The following CMYA5 variants were observed in gnomAD, a reference collection of about 807,000 sequenced individuals.
The protein encoded by CMYA5 is cardiomyopathy-associated protein 5.
Under a neutral mutation model 318.9 loss-of-function variants are expected in CMYA5, and 246 were observed. The ratio of observed to expected loss-of-function variants is 0.77; its 90% CI spans 0.70 to 0.86. The LOEUF (loss-of-function observed/expected upper bound fraction) is 0.86. CMYA5 is among the 40% of genes least tolerant of loss of function. The pLI is 0.00. For synonymous variants in CMYA5, 1,641 were observed against 1,729.5 expected (o/e 0.95, Z 1.27); for missense variants, 4,589 against 4,678.2 (o/e 0.98, Z 0.56).
intron 1 of CMYA5, among the ~76,000 whole-genome samples, chr5:79,697,267 G>T (rs556578044): frequency 2.6e-4 from 40 of 152,316 alleles, no homozygotes; most frequent in Non-Finnish European, 5.6e-4. Context: ...TCAAGTCCCA[G>T]TCGCTGAAGC....
chr5:79,738,859 C>T lies in CMYA5; in HGVS notation c.10094C>T (p.Ala3365Val), dbSNP rs376351210. 1 of 1,613,878 alleles carries T rather than the reference C, an allele frequency of 6.2e-7. No individual in the cohort carries two copies. The highest frequency in any genetic ancestry group is 8.5e-7 in the Non-Finnish European group (1 of 1,179,848). Residue 3365 changes from alanine (A) to valine (V), a missense_variant, in exon 2 of 13, where the codon GCA (alanine) becomes GTA (valine). This residue lies in a region of CMYA5 where 2,431 missense variants were observed against 2,495.1 expected (regional missense o/e 0.97). Transcript: ENST00000446378. ...AGSHGNEVGN[A>V]SPEVNLNVPV... ...AGTCACGGTAATGAAGTCGGAAATG[C>T]AAGTCCAGAGGTCAATCTGAATGTC... is the stretch of plus-strand genomic sequence containing the variant.
intron 5 of CMYA5, among the ~76,000 whole-genome samples, chr5:79,751,235 T>C (rs1828425192): frequency 6.6e-6 from 1 of 152,202 alleles, no homozygotes; most frequent in Admixed American, 6.5e-5. Context: ...AGGCTCTTTA[T>C]AGTCAAGCCA....
Position 79,730,561 on chromosome 5 carries a change from C to T in CMYA5, c.1796C>T (p.Ser599Leu), listed in dbSNP as rs1197025805. The T allele has an allele frequency of 3.1e-6, 5 of 1,613,878 alleles. No individual in the cohort carries two copies. Among genetic ancestry groups the T allele is most frequent in the Non-Finnish European group, 4.2e-6 (5 of 1,179,892 alleles). ...STGSAFVSEY[S>L]VPQDLNHELQ... ...GGTTCTGCTTTTGTATCAGAGTATTCAGTACCACAGGATTTGAACCATGAA... is the reference window on the plus strand; with the variant it reads ...GGTTCTGCTTTTGTATCAGAGTATTTAGTACCACAGGATTTGAACCATGAA... The change falls in exon 2 of 13, where the codon TCA (serine) becomes TTA (leucine). Residue 599 changes from serine to leucine, a missense_variant. Ser to Leu is a moderately radical substitution (Grantham distance 145). This residue lies in a region of CMYA5 where 2,132 missense variants were observed against 2,131.3 expected (regional missense o/e 1.00). Coordinates refer to ENST00000446378, the MANE Select transcript of CMYA5 (RefSeq NM_153610.5).
chr5:79,777,709 A>C (rs958842651), intron 9 of CMYA5, among the ~76,000 whole-genome samples: 2 of 152,106 alleles, frequency 1.3e-5, no homozygotes, highest in Admixed American at 1.3e-4. Flanking sequence ...CAGGAGGCGG[A>C]GGTTTCAGTG....
chr5:79,724,121 C>T (rs1235062465), intron 1 of CMYA5, among the ~76,000 whole-genome samples: 1 of 151,718 alleles, frequency 6.6e-6, no homozygotes, highest in Non-Finnish European at 1.5e-5. Context: ...AGTTTGGGAC[C>T]AGCCTGACCA....
chr5:79,717,522 AAAAT>A (rs1561200289), intron 1 of CMYA5, among the ~76,000 whole-genome samples: 1 of 152,328 alleles, frequency 6.6e-6, no homozygotes, highest in East Asian at 1.9e-4. Context: ...GCTGGTCTCT[AAAAT>A]AAATAAGAGA....
chr5:79,701,988 G>A (rs187835268), intron 1 of CMYA5, among the ~76,000 whole-genome samples: 119 of 152,194 alleles, frequency 7.8e-4, no homozygotes, highest in Non-Finnish European at 1.4e-3. Flanking sequence ...TTAGCGGGGC[G>A]TGGTGGCGGG....
At chr5:79,756,308 G>A (rs917296264) in intron 6 of CMYA5, among the ~76,000 whole-genome samples, 10 of 152,138 alleles carry the variant, frequency 6.6e-5, no homozygotes, top group African/African-American at 2.2e-4. Context: ...GGCCTCTGTG[G>A]CTTTCCAGAT....
chr5:79,732,715 A>T lies in CMYA5; in HGVS notation c.3950A>T (p.His1317Leu), dbSNP rs764712521. The T allele has an allele frequency of 1.9e-6, 3 of 1,613,686 alleles. No individual in the cohort carries two copies. Among genetic ancestry groups the T allele is most frequent in the Non-Finnish European group, 2.5e-6 (3 of 1,179,780 alleles). ...SKITTTPIVL[H>L]SASSGVEKQV... ...ATAACAACTACACCTATAGTGCTTC[A>T]TTCAGCTTCCTCAGGAGTGGAAAAG... The change falls in exon 2 of 13, where the codon CAT (histidine) becomes CTT (leucine). Residue 1317 changes from histidine (H) to leucine (L), a missense_variant. This residue lies in a region of CMYA5 where 2,132 missense variants were observed against 2,131.3 expected (regional missense o/e 1.00). Transcript: ENST00000446378.
chr5:79,727,621 G>A lies in CMYA5; in HGVS notation c.150-1294G>A, dbSNP rs192212407. Among the ~76,000 whole-genome samples the A allele has an allele frequency of 5.3e-5, 8 of 152,308 alleles. No homozygotes were observed. The East Asian group carries it at 1.2e-3, about 22-fold the overall frequency. Reference sequence around the variant, plus strand: ...ATATGTTTATGAAGTGATGGCAAACGCGGCTGCTGCATTGGTCAGGAATGA... The same window carrying A: ...ATATGTTTATGAAGTGATGGCAAACACGGCTGCTGCATTGGTCAGGAATGA... On this transcript the variant is annotated intron_variant, in intron 1 of 12. Transcript: ENST00000446378.
rs1828659394 is a variant in CMYA5 at position 79,761,893 on chromosome 5, G to C, written c.11343G>C (p.Val3781=). The change falls in exon 8 of 13, where the codon GTG becomes GTC. Residue 3781 remains valine (V), a synonymous_variant. Transcript: ENST00000446378. ...EDLEPDRCYQ[V]WVMAVNFTGC... ...TGGAACCTGACCGATGCTATCAAGT[G>C]TGGGTGATGGCTGTGAACTTCACTG... The C allele has an allele frequency of 6.2e-7, 1 of 1,613,728 alleles. No homozygotes were observed. The highest frequency in any genetic ancestry group is 8.5e-7 in the Non-Finnish European group (1 of 1,179,854).
In CMYA5 at chr5:79,730,170, G is replaced by A. The variant is rs1715626373; in HGVS notation, c.1405G>A (p.Val469Ile). The change falls in exon 2 of 13, where the codon GTC (valine) becomes ATC (isoleucine). Residue 469 changes from valine to isoleucine, a missense_variant. Physicochemically the swap from Val to Ile is conservative, Grantham distance 29. Transcript: ENST00000446378. ...GACTTCAATAGAAAGGGCAGAACCA[G>A]TCTCCGCAAAACTGACCCCTACCCA... ...DLTSIERAEP[V>I]SAKLTPTHPS... The A allele has an allele frequency of 6.2e-7, 1 of 1,613,922 alleles. No homozygotes were observed. Among genetic ancestry groups the A allele is most frequent in the Non-Finnish European group, 8.5e-7 (1 of 1,179,888 alleles).
intron 1 of CMYA5, among the ~76,000 whole-genome samples, chr5:79,693,898 A>G (rs1827018785): frequency 6.6e-6 from 1 of 152,228 alleles, no homozygotes; most frequent in Non-Finnish European, 1.5e-5. Context: ...CAAATATAGC[A>G]GGATAAATGG....
At chr5:79,726,784 T>A (rs974082665) in intron 1 of CMYA5, among the ~76,000 whole-genome samples, 1 of 152,126 alleles carries the variant, frequency 6.6e-6, no homozygotes, top group Non-Finnish European at 1.5e-5. Context: ...TAAGGGAAGT[T>A]GAGTGCACCT....
Position 79,730,567 on chromosome 5 carries a change from C to T in CMYA5, c.1802C>T (p.Pro601Leu). 1.2e-6 allele frequency: 2 copies of T among 1,613,924 alleles called. No individual in the cohort carries two copies. The highest frequency in any genetic ancestry group is 3.3e-5 in the Admixed American group (2 of 60,008). Residue 601 changes from proline (P) to leucine (L), a missense_variant, in exon 2 of 13, where the codon CCA (proline) becomes CTA (leucine). Coordinates refer to ENST00000446378, the MANE Select transcript of CMYA5 (RefSeq NM_153610.5). ...GCTTTTGTATCAGAGTATTCAGTAC[C>T]ACAGGATTTGAACCATGAATTACAG... ...GSAFVSEYSVPQDLNHELQEQ... is the reference protein window; with the variant it reads ...GSAFVSEYSVLQDLNHELQEQ...
In CMYA5 at chr5:79,742,053, CTTCT is replaced by C. The variant is rs1561215503; in HGVS notation, c.10639-1772_10639-1769del. Among the ~76,000 whole-genome samples the C allele has an allele frequency of 5.5e-5, 6 of 108,614 alleles. 1 individual carries two copies. Among genetic ancestry groups the C allele is most frequent in the Non-Finnish European group, 6.8e-5 (3 of 43,958 alleles). The allele number at this position is 108,614 out of a possible 152,430, so 71.3% of individuals were successfully genotyped here. ...CCTCCTCCTCCCTCTTTCTCCTCTT[CTTCT>C]TCTTCTTCTTCTTCTTCTTCTTCTT... On this transcript the variant is annotated intron_variant, in intron 2 of 12. Coordinates refer to ENST00000446378, the MANE Select transcript of CMYA5 (RefSeq NM_153610.5).
intron 1 of CMYA5, among the ~76,000 whole-genome samples, chr5:79,716,817 C>G (rs1013129595): frequency 6.6e-6 from 1 of 152,200 alleles, no homozygotes. Flanking sequence ...TAGCAACATC[C>G]GTATACATCC....
chr5:79,737,901 A>G lies in CMYA5; in HGVS notation c.9136A>G (p.Ile3046Val), dbSNP rs1387272156. The G allele has an allele frequency of 4.4e-6, 7 of 1,605,304 alleles. No homozygotes were observed. The East Asian group carries it at 6.7e-5, about 15-fold the overall frequency. ...ETDLSFIQPT[I>V]PSEEDYFEKY... ...TGATTTATCATTTATTCAGCCCACAATTCCCAGTGAAGAGGATTATTTTGA... is the reference window on the plus strand; with the variant it reads ...TGATTTATCATTTATTCAGCCCACAGTTCCCAGTGAAGAGGATTATTTTGA... Residue 3046 changes from isoleucine (I) to valine (V), a missense_variant, in exon 2 of 13, where the codon ATT (isoleucine) becomes GTT (valine). Physicochemically the swap from Ile to Val is conservative, Grantham distance 29. Transcript: ENST00000446378.
In CMYA5 at chr5:79,738,748, A is replaced by T; in HGVS notation, c.9983A>T (p.Asp3328Val). The T allele has an allele frequency of 6.2e-7, 1 of 1,613,948 alleles. No individual in the cohort carries two copies. The change falls in exon 2 of 13, where the codon GAC (aspartate) becomes GTC (valine). Residue 3328 changes from aspartate to valine, a missense_variant. Asp to Val is a radical substitution (Grantham distance 152). Around this residue, in one of 3 missense-constraint regions of CMYA5, gnomAD observed 2,431 missense variants for 2,495.1 expected, o/e 0.97. Transcript: ENST00000446378. ...CAGAAGAAAGCTCCCATCACAGAGG[A>T]CGTCAGAGTGGCTACCCAGAAAATA... is the stretch of plus-strand genomic sequence containing the variant. ...AMQKKAPITE[D>V]VRVATQKISY...
Sources: allele counts gnomAD v4.1 joint callset (sites outside exome capture counted in the v4.1 genomes callset), GRCh38; gene constraint gnomAD v4.1.1; regional missense constraint gnomAD v4.1.1; transcripts MANE v1.5; gene names NCBI Gene and HGNC (gene_info 2026-07-23, HGNC 2026-07-21).